The following HSD17B4 variants were observed in gnomAD, a reference collection of about 807,000 sequenced individuals.
HSD17B4 encodes hydroxysteroid 17-beta dehydrogenase 4.
In HSD17B4, 70 loss-of-function variants were observed where a neutral mutation model predicts 101.0. The ratio of observed to expected loss-of-function variants is 0.69; its 90% CI spans 0.57 to 0.85. The LOEUF (loss-of-function observed/expected upper bound fraction) is 0.85, where lower values mean the gene tolerates loss of function less well. Ranked by LOEUF, HSD17B4 falls within the 40% of genes least tolerant of loss-of-function variation. HSD17B4 has a pLI of 0.00. For synonymous variants in HSD17B4, 347 were observed against 297.1 expected (o/e 1.17, Z -1.73); for missense variants, 984 against 892.4 (o/e 1.10, Z -1.31).
At chr5:119,509,094 C>A (rs1030098163) in intron 15 of HSD17B4, 47 bp from the exon 16 acceptor site, 7 of 1,019,700 alleles carry the variant, frequency 6.9e-6, no homozygotes, top group Non-Finnish European at 1.1e-5. Flanking sequence ...ACTAGTTATG[C>A]CTTTTGGTGG....
At chr5:119,517,763 A>C (rs1752762726) in intron 17 of HSD17B4, among the ~76,000 whole-genome samples, 1 of 151,652 alleles carries the variant, frequency 6.6e-6, no homozygotes, top group Non-Finnish European at 1.5e-5. Flanking sequence ...TGTCTAGCTC[A>C]GGGATTGTAA....
chr5:119,534,495 A>G (rs1396394994), intron 22 of HSD17B4, among the ~76,000 whole-genome samples: 1 of 151,994 alleles, frequency 6.6e-6, no homozygotes. Context: ...AGGTTTGGGA[A>G]CTGGCATTCT....
intron 17 of HSD17B4, among the ~76,000 whole-genome samples, chr5:119,524,355 A>T (rs1753385229): frequency 6.6e-6 from 1 of 152,148 alleles, no homozygotes; most frequent in African/African-American, 2.4e-5. Context: ...GTAATAAAAG[A>T]TCAGTAATTT....
chr5:119,518,070 C>T (rs908173081), intron 17 of HSD17B4, among the ~76,000 whole-genome samples: 9 of 152,142 alleles, frequency 5.9e-5, no homozygotes, highest in Non-Finnish European at 8.8e-5. Context: ...AGAATAAAAG[C>T]AGGCTGCCCA....
chr5:119,493,547 A>G (rs1313766825), intron 10 of HSD17B4: 13 of 371,998 alleles, frequency 3.5e-5, no homozygotes, highest in South Asian at 3.0e-4. Flanking sequence ...AAACTTTTTC[A>G]CATACAGCAT....
At chr5:119,541,422 A>G (rs1754982315) in intron 23 of HSD17B4, among the ~76,000 whole-genome samples, 1 of 152,106 alleles carries the variant, frequency 6.6e-6, no homozygotes, top group Non-Finnish European at 1.5e-5. Context: ...CTGGATTTTA[A>G]CTCAGGCATT....
In HSD17B4 at chr5:119,542,196, G is replaced by A; in HGVS notation, c.*202G>A. ...TTTACAAGGAACTATATATAAGCTA[G>A]CACATAATTATCCTTCTGTTCTTAG... On this transcript the variant is annotated 3_prime_UTR_variant, in exon 24 of 24. Transcript: ENST00000510025. 2.0e-6 allele frequency: 1 copy of A among 507,964 alleles called. No individual in the cohort carries two copies. The highest frequency in any genetic ancestry group is 2.3e-5 in the South Asian group (1 of 43,972). 31.5% of individuals were successfully genotyped at this position (507,964 alleles called of 1,614,324 possible). A position where few individuals can be genotyped will look rare whatever the true frequency, so the allele number is the denominator to read the frequency against.
chr5:119,479,711 T>C (rs899686905), intron 8 of HSD17B4, among the ~76,000 whole-genome samples: 2 of 152,180 alleles, frequency 1.3e-5, no homozygotes, highest in African/African-American at 4.8e-5. Flanking sequence ...GTGGTATGAA[T>C]GTACTACAAT....
At chr5:119,490,590 A>T (rs1750010803) in intron 9 of HSD17B4, among the ~76,000 whole-genome samples, 1 of 151,756 alleles carries the variant, frequency 6.6e-6, no homozygotes, top group Non-Finnish European at 1.5e-5. Context: ...TTTGAGGCAG[A>T]GTCTTTCTCT....
chr5:119,526,637 T>G (rs1213892494), intron 19 of HSD17B4, among the ~76,000 whole-genome samples: 1 of 152,064 alleles, frequency 6.6e-6, no homozygotes. Context: ...ATGCATTGCC[T>G]TTGATAACAC....
At chr5:119,482,235 C>A (rs562983881) in intron 8 of HSD17B4, among the ~76,000 whole-genome samples, 1 of 152,182 alleles carries the variant, frequency 6.6e-6, no homozygotes, top group East Asian at 1.9e-4. Context: ...TTTGTATTGA[C>A]ATATCTTCAA....
At chr5:119,497,944 C>T (rs1185570058) in intron 12 of HSD17B4, among the ~76,000 whole-genome samples, 1 of 151,880 alleles carries the variant, frequency 6.6e-6, no homozygotes. Flanking sequence ...TAGTTTAGTG[C>T]TCTTTTGGGT....
intron 23 of HSD17B4, among the ~76,000 whole-genome samples, chr5:119,539,624 C>T (rs1321594273): frequency 1.3e-5 from 2 of 151,132 alleles, no homozygotes; most frequent in Non-Finnish European, 2.9e-5. Context: ...AGGTATGGAA[C>T]AATAATTAAT....
rs1295977911 is a variant in HSD17B4 at position 119,468,265 on chromosome 5, A to G, written c.113-5643A>G. 5.3e-5 allele frequency among the ~76,000 whole-genome samples: 8 copies of G among 152,290 alleles called. No individual in the cohort carries two copies. In the East Asian group the frequency reaches 1.5e-3, roughly 29 times the overall value. ...AGTTCATCCTTTCACTTTCAAGTGT[A>G]GGACTCCCATAAGCATTTCTTTTAA... On this transcript the variant is annotated intron_variant, in intron 2 of 23. Coordinates refer to ENST00000510025, the MANE Select transcript of HSD17B4 (RefSeq NM_000414.4).
At chr5:119,473,539 T>A (rs1431016413) in intron 2 of HSD17B4, among the ~76,000 whole-genome samples, 1 of 151,930 alleles carries the variant, frequency 6.6e-6, no homozygotes, top group African/African-American at 2.4e-5. Context: ...AGGCTGGTGG[T>A]CTTAGACTCC....
intron 11 of HSD17B4, among the ~76,000 whole-genome samples, chr5:119,495,058 T>G (rs1325330035): frequency 6.6e-6 from 1 of 151,670 alleles, no homozygotes; most frequent in African/African-American, 2.4e-5. Flanking sequence ...TTCTCCTTAA[T>G]GATACTTTCC....
intron 16 of HSD17B4, among the ~76,000 whole-genome samples, chr5:119,511,411 T>A (rs1315544241): frequency 6.6e-6 from 1 of 152,092 alleles, no homozygotes; most frequent in Non-Finnish European, 1.5e-5. Context: ...CTCCTGGGAT[T>A]GTAACAAACC....
intron 2 of HSD17B4, among the ~76,000 whole-genome samples, chr5:119,467,836 G>A (rs1755967112): frequency 6.6e-6 from 1 of 152,096 alleles, no homozygotes; most frequent in Non-Finnish European, 1.5e-5. Flanking sequence ...TATATACTGA[G>A]TTATGAATGT....
At chr5:119,515,152 A>G (rs1752504477) in intron 17 of HSD17B4, 106 bp downstream of exon 17, 1 of 738,254 alleles carries the variant, frequency 1.4e-6, no homozygotes, top group Non-Finnish European at 2.5e-6. Context: ...ATAATGAATA[A>G]TATGTTATTA....
Sources: allele counts gnomAD v4.1 joint callset (sites outside exome capture counted in the v4.1 genomes callset), GRCh38; gene constraint gnomAD v4.1.1; transcripts MANE v1.5; gene names NCBI Gene and HGNC (gene_info 2026-07-23, HGNC 2026-07-21).